Variants in KCNK9 observed in about 807,000 individuals in gnomAD.
KCNK9 encodes the protein potassium channel subfamily K member 9.
Under a neutral mutation model 10.8 loss-of-function variants are expected in KCNK9, and 1 was observed. The ratio of observed to expected loss-of-function variants is 0.09; its 90% CI spans 0.03 to 0.44. KCNK9 has a LOEUF of 0.44. KCNK9 is among the 20% of genes least tolerant of loss of function. KCNK9 has a pLI of 0.97. For synonymous variants in KCNK9, 231 were observed against 222.7 expected, an observed-to-expected ratio of 1.04 and a Z score of -0.33; for missense variants, 303 against 515.0, an observed-to-expected ratio of 0.59 and a Z score of 3.98.
intron 1 of KCNK9, among the ~76,000 whole-genome samples, chr8:139,638,480 C>A (rs965814698): frequency 2.0e-5 from 3 of 152,180 alleles, no homozygotes; most frequent in Non-Finnish European, 4.4e-5. Context: ...TTAGGCCATG[C>A]CTTCACTGTT....
At chr8:139,636,140 A>G (rs941532475) in intron 1 of KCNK9, among the ~76,000 whole-genome samples, 8 of 152,234 alleles carry the variant, frequency 5.3e-5, no homozygotes, top group African/African-American at 1.9e-4. Context: ...AGTTTCAAAA[A>G]TGAAGACCAG....
chr8:139,648,945 G>A (rs1037142289), intron 1 of KCNK9, among the ~76,000 whole-genome samples: 1 of 152,180 alleles, frequency 6.6e-6, no homozygotes, highest in South Asian at 2.1e-4. Flanking sequence ...ATACAAAGGG[G>A]AAGAAAGCCA....
chr8:139,625,197 G>C (rs553686846), intron 1 of KCNK9, among the ~76,000 whole-genome samples: 1 of 152,198 alleles, frequency 6.6e-6, no homozygotes, highest in African/African-American at 2.4e-5. Context: ...TGGATCTGTA[G>C]CCAAGGACGT....
At chr8:139,668,338 TA>T (rs1222221423) in intron 1 of KCNK9, among the ~76,000 whole-genome samples, 2 of 151,298 alleles carry the variant, frequency 1.3e-5, no homozygotes, top group East Asian at 3.9e-4. Context: ...AAATAAAAAT[TA>T]AAAAAAATTA....
At chr8:139,642,181 C>T (rs80338597) in intron 1 of KCNK9, among the ~76,000 whole-genome samples, 2,135 of 152,264 alleles carry the variant, frequency 0.014, 49 homozygotes, top group African/African-American at 0.049. Flanking sequence ...ACAGGGGCAG[C>T]GCTTCCCCCA....
In KCNK9 at chr8:139,702,911, C is replaced by A; in HGVS notation, c.82G>T (p.Ala28Ser). 1 of 1,613,492 alleles carries A rather than the reference C, an allele frequency of 6.2e-7. No homozygotes were observed. Among genetic ancestry groups the A allele is most frequent in the Non-Finnish European group, 8.5e-7 (1 of 1,179,860 alleles). ...YLLVGAAVFDALESDHEMREE... is the reference protein window; with the variant it reads ...YLLVGAAVFDSLESDHEMREE... ...CGCATCTCGTGGTCCGACTCGAGGG[C>A]GTCGAACACGGCGGCGCCCACCAGC... is the stretch of plus-strand genomic sequence containing the variant. Residue 28 changes from alanine to serine, a missense_variant, in exon 1 of 2, where the codon GCC becomes TCC. Ala to Ser is a moderately conservative substitution (Grantham distance 99, BLOSUM62 1). Coordinates refer to ENST00000520439, the MANE Select transcript of KCNK9 (RefSeq NM_001282534.2). The surrounding 1 kb of genome is among the most constrained non-coding windows in gnomAD (Gnocchi z 7.5).
chr8:139,629,851 A>G (rs1006733980), intron 1 of KCNK9, among the ~76,000 whole-genome samples: 2 of 152,108 alleles, frequency 1.3e-5, no homozygotes, highest in African/African-American at 2.4e-5. Flanking sequence ...TTTAACCTCA[A>G]TTACCTCTCC....
chr8:139,661,673 G>A (rs1379807260), intron 1 of KCNK9, among the ~76,000 whole-genome samples: 1 of 152,218 alleles, frequency 6.6e-6, no homozygotes, highest in Non-Finnish European at 1.5e-5. Context: ...TTCAAAGGAG[G>A]TCCCAGGAGA....
At position 139,702,549 on chromosome 8, in the gene KCNK9, GA is replaced by G. The variant is rs894605717; in HGVS notation, c.283+160del. 1.3e-5 allele frequency among the ~76,000 whole-genome samples: 2 copies of G among 152,146 alleles called. No homozygotes were observed. Among genetic ancestry groups the G allele is most frequent in the Non-Finnish European group, 2.9e-5 (2 of 68,002 alleles). ...AAGGGTGAGGCTCGGAGGCGCCGCG[GA>G]GGGGGGGCTCCCTAGAGAGGAGGGG... On this transcript the variant is annotated intron_variant, in intron 1 of 1. Coordinates refer to ENST00000520439, the MANE Select transcript of KCNK9 (RefSeq NM_001282534.2). This position sits in a 1 kb window ranked among gnomAD's most constrained non-coding sequence, Gnocchi z 7.5.
intron 1 of KCNK9, among the ~76,000 whole-genome samples, chr8:139,673,004 T>C (rs908429842): frequency 2.6e-5 from 4 of 152,080 alleles, no homozygotes; most frequent in African/African-American, 9.7e-5. Context: ...AATAAATGAA[T>C]AACCAGAGGC....
chr8:139,647,036 C>CA (rs1330852508), intron 1 of KCNK9, among the ~76,000 whole-genome samples: 1 of 152,260 alleles, frequency 6.6e-6, no homozygotes, highest in Non-Finnish European at 1.5e-5. Context: ...ACTGGGCTCC[C>CA]AGACCCTACA....
chr8:139,621,541 G>C (rs1487427998), intron 1 of KCNK9, among the ~76,000 whole-genome samples: 1 of 152,176 alleles, frequency 6.6e-6, no homozygotes, highest in Non-Finnish European at 1.5e-5. Flanking sequence ...CGGCTGTAAA[G>C]AACTAAGACT....
At position 139,617,992 on chromosome 8, in the gene KCNK9, G is replaced by C. The variant is rs973420120; in HGVS notation, c.*266C>G. On this transcript the variant is annotated 3_prime_UTR_variant, in exon 2 of 2. Transcript: ENST00000520439. ...GGTGGGGTGAGAAATGTAAGGCATA[G>C]TCTGCTGGGAAGGAAGGAGGAGATC... The C allele has an allele frequency of 2.1e-6, 1 of 479,316 alleles. No homozygotes were observed. The highest frequency in any genetic ancestry group is 2.0e-5 in the African/African-American group (1 of 51,226). The allele number at this position is 479,316 out of a possible 1,614,324, so 29.7% of individuals were successfully genotyped here.
chr8:139,695,143 C>G (rs1364247068), intron 1 of KCNK9, among the ~76,000 whole-genome samples: 2 of 152,182 alleles, frequency 1.3e-5, no homozygotes, highest in Non-Finnish European at 2.9e-5. Context: ...TATTTGGGAC[C>G]ATACCAATGC....
chr8:139,690,032 A>G (rs115133534), intron 1 of KCNK9, among the ~76,000 whole-genome samples: 1,789 of 152,328 alleles, frequency 0.012, 27 homozygotes, highest in South Asian at 0.076. Flanking sequence ...AAAGCTGCCC[A>G]GCTGAGCCTC....
chr8:139,670,483 C>T (rs1033432867), intron 1 of KCNK9, among the ~76,000 whole-genome samples: 2 of 152,038 alleles, frequency 1.3e-5, no homozygotes, highest in Non-Finnish European at 2.9e-5. Context: ...TAAAACAAGC[C>T]CTGCCTGTGC....
chr8:139,651,267 T>C (rs1345041976), intron 1 of KCNK9, among the ~76,000 whole-genome samples: 2 of 152,202 alleles, frequency 1.3e-5, no homozygotes, highest in Non-Finnish European at 2.9e-5. Flanking sequence ...ATGTGTCCCA[T>C]GCAGCACTGC....
Position 139,703,114 on chromosome 8 carries a change from A to C in KCNK9, c.-122T>G. The C allele has an allele frequency of 2.7e-6, 2 of 741,122 alleles. No homozygotes were observed. Among genetic ancestry groups the C allele is most frequent in the Non-Finnish European group, 1.8e-6 (1 of 554,292 alleles). The allele number at this position is 741,122 out of a possible 1,614,324, so 45.9% of individuals were successfully genotyped here. On this transcript the variant is annotated 5_prime_UTR_variant, in exon 1 of 2. Coordinates refer to ENST00000520439, the MANE Select transcript of KCNK9 (RefSeq NM_001282534.2). The surrounding 1 kb of genome is among the most constrained non-coding windows in gnomAD (Gnocchi z 6.4). The stretch of plus-strand genomic sequence containing the variant: ...TCCGCCGCCGCCGCCGCCGCCTCCA[A>C]GTTGTAAGCGGCGGCGGCAGCAGCA...
chr8:139,642,387 TAA>T (rs1264604624), intron 1 of KCNK9, among the ~76,000 whole-genome samples: 1 of 152,192 alleles, frequency 6.6e-6, no homozygotes, highest in Non-Finnish European at 1.5e-5. Flanking sequence ...ATTAAAAACT[TAA>T]ATTCACTCGT....
Sources: gnomAD v4.1 joint callset for allele counts (sites outside exome capture counted in the v4.1 genomes callset) on GRCh38, gnomAD v4.1.1 for gene constraint, Gnocchi (gnomAD v3.1) non-coding constraint, MANE v1.5 for transcripts, NCBI Gene and HGNC (gene_info 2026-07-23, HGNC 2026-07-21) for gene names.